LRRTM3: variants seen among roughly 807,000 people sequenced by gnomAD.
LRRTM3 encodes leucine rich repeat transmembrane neuronal 3.
A neutral mutation model predicts 44.7 loss-of-function variants in LRRTM3; 24 were observed. The ratio of observed to expected loss-of-function variants is 0.54; its 90% CI spans 0.39 to 0.76. The LOEUF (loss-of-function observed/expected upper bound fraction) is 0.76. LRRTM3 is among the 30% of genes least tolerant of loss of function. The pLI is 0.00. For missense variants in LRRTM3, 587 were observed against 702.2 expected (o/e 0.84, Z 1.85); for synonymous variants, 277 against 278.7 (o/e 0.99, Z 0.06).
In LRRTM3 at chr10:66,978,051, C is replaced by T. The variant is rs1589532485; in HGVS notation, c.1536+49599C>T. 7.9e-5 allele frequency among the ~76,000 whole-genome samples: 9 copies of T among 113,350 alleles called. No individual in the cohort carries two copies. The South Asian group carries it at 2.2e-3, about 28-fold the overall frequency. 74.4% of individuals were successfully genotyped at this position (113,350 alleles called of 152,430 possible). A position where few individuals can be genotyped will look rare whatever the true frequency, so the allele number is the denominator to read the frequency against. On this transcript the variant is annotated intron_variant, in intron 2 of 2. Coordinates refer to ENST00000361320, the MANE Select transcript of LRRTM3 (RefSeq NM_178011.5). ...ATCATGAGTGAAATAAATTTGCACA[C>T]ACATATATATATATATACACACACA...
chr10:66,996,649 C>CAAAAGAA (rs1851364483), intron 2 of LRRTM3, among the ~76,000 whole-genome samples: 1 of 67,644 alleles, frequency 1.5e-5, no homozygotes, highest in African/African-American at 5.9e-5. Context: ...TCCGTCTCTA[C>CAAAAGAA]AAAAAAAAAA....
intron 2 of LRRTM3, among the ~76,000 whole-genome samples, chr10:67,039,822 T>C (rs768716133): frequency 1.3e-5 from 2 of 152,182 alleles, no homozygotes; most frequent in African/African-American, 2.4e-5. Context: ...AAGATAATTA[T>C]TGATTGCTAT....
At chr10:67,070,140 T>A (rs780581990) in intron 2 of LRRTM3, among the ~76,000 whole-genome samples, 1 of 152,348 alleles carries the variant, frequency 6.6e-6, no homozygotes, top group South Asian at 2.1e-4. Context: ...ATTAGTATAA[T>A]GATTGTTGAA....
intron 2 of LRRTM3, among the ~76,000 whole-genome samples, chr10:66,944,180 C>T (rs1037016178): frequency 6.6e-6 from 1 of 152,150 alleles, no homozygotes; most frequent in Non-Finnish European, 1.5e-5. Flanking sequence ...TCAAACTCTG[C>T]CACTGCTTCA....
At chr10:66,991,824 G>A (rs1564817156) in intron 2 of LRRTM3, among the ~76,000 whole-genome samples, 1 of 152,092 alleles carries the variant, frequency 6.6e-6, no homozygotes, top group Non-Finnish European at 1.5e-5. Flanking sequence ...CTGTATATAT[G>A]CCAGAATAAT....
intron 2 of LRRTM3, among the ~76,000 whole-genome samples, chr10:67,079,306 T>C (rs946987799): frequency 1.3e-5 from 2 of 152,196 alleles, no homozygotes; most frequent in South Asian, 2.1e-4. Context: ...ATCATGGCCA[T>C]GTAAGCCATG....
chr10:67,079,254 G>C (rs1856909526), intron 2 of LRRTM3, among the ~76,000 whole-genome samples: 2 of 152,138 alleles, frequency 1.3e-5, no homozygotes, highest in Admixed American at 1.3e-4. Flanking sequence ...TAGAACAAGG[G>C]GAAGAGTCCT....
rs764923660 is a variant in LRRTM3, at chr10:66,926,977, A to G, written c.61A>G (p.Thr21Ala). 3 of 1,614,070 alleles carry G rather than the reference A, an allele frequency of 1.9e-6. No individual in the cohort carries two copies. The highest frequency in any genetic ancestry group is 1.7e-6 in the Non-Finnish European group (2 of 1,179,986). ...GSAVALVIAPTVLLTMLSSAE... is the reference protein window; with the variant it reads ...GSAVALVIAPAVLLTMLSSAE... The stretch of plus-strand genomic sequence containing the variant: ...AGCTGTAGCACTGGTTATAGCCCCC[A>G]CTGTCTTACTGACAATGCTTTCTTC... Residue 21 changes from threonine to alanine, a missense_variant, in exon 2 of 3, where the codon ACT becomes GCT. By Grantham distance (58) the Thr-to-Ala change is moderately conservative. Coordinates refer to ENST00000361320, the MANE Select transcript of LRRTM3 (RefSeq NM_178011.5).
chr10:67,020,087 C>T (rs111417144), intron 2 of LRRTM3, among the ~76,000 whole-genome samples: 1,931 of 152,270 alleles, frequency 0.013, 35 homozygotes, highest in African/African-American at 0.038. Context: ...TCTTGCAGCA[C>T]AGTCCCAAAT....
At chr10:66,952,378 T>C (rs1291360258) in intron 2 of LRRTM3, among the ~76,000 whole-genome samples, 1 of 152,164 alleles carries the variant, frequency 6.6e-6, no homozygotes, top group Non-Finnish European at 1.5e-5. Flanking sequence ...AAATCAAATC[T>C]TCAGAGACAA....
At chr10:67,006,843 G>T (rs140585884) in intron 2 of LRRTM3, among the ~76,000 whole-genome samples, 1 of 151,830 alleles carries the variant, frequency 6.6e-6, no homozygotes, top group African/African-American at 2.4e-5. Context: ...GCCCAGGCTG[G>T]AGTGCAGTGG....
intron 2 of LRRTM3, among the ~76,000 whole-genome samples, chr10:66,955,716 C>A (rs1848754934): frequency 6.6e-6 from 1 of 152,108 alleles, no homozygotes; most frequent in Admixed American, 6.6e-5. Flanking sequence ...TGGAGATCAG[C>A]CTCCATTGTT....
intron 2 of LRRTM3, among the ~76,000 whole-genome samples, chr10:67,036,234 C>G: frequency 6.6e-6 from 1 of 151,582 alleles, no homozygotes; most frequent in East Asian, 1.9e-4. Flanking sequence ...CTCACTGCAA[C>G]CTCAACCTCC....
chr10:66,985,038 C>T (rs752753475), intron 2 of LRRTM3, among the ~76,000 whole-genome samples: 3 of 152,110 alleles, frequency 2.0e-5, no homozygotes, highest in Non-Finnish European at 2.9e-5. Context: ...CAGAGCTCAT[C>T]CCTGCCTTTG....
chr10:66,926,843 A>T lies in LRRTM3; in HGVS notation c.5-78A>T. 5.5e-6 allele frequency: 7 copies of T among 1,270,320 alleles called. No individual in the cohort carries two copies. In the South Asian group the frequency reaches 1.1e-4, roughly 20 times the overall value. 78.7% of individuals were successfully genotyped at this position (1,270,320 alleles called of 1,614,324 possible). ...AGATTTAAATTTTTAAAAATGAAAA[A>T]TATATGCCTATTTTTGCTTGATTAA... On this transcript the variant is annotated intron_variant, in intron 1 of 2. Coordinates refer to ENST00000361320, the MANE Select transcript of LRRTM3 (RefSeq NM_178011.5).
chr10:66,947,633 T>A (rs992725327), intron 2 of LRRTM3, among the ~76,000 whole-genome samples: 9 of 152,206 alleles, frequency 5.9e-5, no homozygotes, highest in Admixed American at 1.3e-4. Flanking sequence ...ATAATTTGTA[T>A]TTTTTCCCTA....
chr10:66,976,546 T>C (rs553976940), intron 2 of LRRTM3, among the ~76,000 whole-genome samples: 4 of 152,312 alleles, frequency 2.6e-5, no homozygotes, highest in South Asian at 4.1e-4. Flanking sequence ...ATAACTGTAA[T>C]GACATCATCT....
chr10:66,957,403 T>TATGC (rs1554886318), intron 2 of LRRTM3, among the ~76,000 whole-genome samples: 1 of 33,822 alleles, frequency 3.0e-5, no homozygotes, highest in Non-Finnish European at 5.3e-5. Flanking sequence ...CATATATATA[T>TATGC]ATATATATAT....
chr10:66,929,603 T>C lies in LRRTM3; in HGVS notation c.1536+1151T>C, dbSNP rs10822944. On this transcript the variant is annotated intron_variant, in intron 2 of 2. Coordinates refer to ENST00000361320, the MANE Select transcript of LRRTM3 (RefSeq NM_178011.5). ...CTTTGATAACACCTTAATAAATGTATAAAACGAATCTTAGAGGAAAAAAGA... is the reference window on the plus strand; with the variant it reads ...CTTTGATAACACCTTAATAAATGTACAAAACGAATCTTAGAGGAAAAAAGA... 0.029 allele frequency among the ~76,000 whole-genome samples: 4,386 copies of C among 152,302 alleles called. 415 individuals are homozygous for C. In the East Asian group the frequency reaches 0.37, roughly 13 times the overall value.
Sources: allele counts gnomAD v4.1 joint callset (sites outside exome capture counted in the v4.1 genomes callset), GRCh38; gene constraint gnomAD v4.1.1; transcripts MANE v1.5; gene names NCBI Gene and HGNC (gene_info 2026-07-23, HGNC 2026-07-21).